The following DLG2 variants were observed in gnomAD, a reference collection of about 807,000 sequenced individuals.
The protein encoded by DLG2 is discs large MAGUK scaffold protein 2, also known as disks large homolog 2.
A neutral mutation model predicts 132.5 loss-of-function variants in DLG2; 45 were observed. The observed-to-expected ratio is 0.34, with a 90% confidence interval of 0.27 to 0.44. The LOEUF (loss-of-function observed/expected upper bound fraction) is 0.44, where lower values mean the gene tolerates loss of function less well. DLG2 is among the 20% of genes least tolerant of loss of function. The pLI is 1.00. For missense variants in DLG2, 1,045 were observed against 1,196.9 expected (o/e 0.87, Z 1.87); for synonymous variants, 424 against 419.6 (o/e 1.01, Z -0.13).
chr11:84,462,382 A>G (rs888224715), intron 7 of DLG2, among the ~76,000 whole-genome samples: 1 of 151,024 alleles, frequency 6.6e-6, no homozygotes, highest in Non-Finnish European at 1.5e-5. Flanking sequence ...CTACCTAATA[A>G]TGCAAATAAA....
intron 6 of DLG2, among the ~76,000 whole-genome samples, chr11:84,658,435 G>C (rs550402733): frequency 6.6e-6 from 1 of 152,246 alleles, no homozygotes; most frequent in East Asian, 1.9e-4. Flanking sequence ...TGGAATTCTC[G>C]TGAATGGGAT....
At chr11:85,478,830 T>G (rs896964404) in intron 3 of DLG2, among the ~76,000 whole-genome samples, 3 of 152,188 alleles carry the variant, frequency 2.0e-5, no homozygotes, top group Non-Finnish European at 4.4e-5. Context: ...TTTAAGCAAT[T>G]AAATAAGTCA....
At chr11:85,083,625 G>T (rs1302782776) in intron 6 of DLG2, among the ~76,000 whole-genome samples, 4 of 152,022 alleles carry the variant, frequency 2.6e-5, no homozygotes, top group African/African-American at 9.7e-5. Flanking sequence ...AGTTCGGCAG[G>T]GGGGCTTCTA....
intron 6 of DLG2, among the ~76,000 whole-genome samples, chr11:84,733,481 T>C (rs933458808): frequency 6.6e-6 from 1 of 152,092 alleles, no homozygotes; most frequent in Admixed American, 6.5e-5. Flanking sequence ...CACTTGTTGA[T>C]AGGGTTGTTT....
At chr11:84,451,021 C>A (rs1488806265) in intron 7 of DLG2, among the ~76,000 whole-genome samples, 1 of 151,762 alleles carries the variant, frequency 6.6e-6, no homozygotes, top group Non-Finnish European at 1.5e-5. Context: ...ACCCTTTAAT[C>A]TAAATAAAAT....
chr11:83,923,138 T>A (rs2078261622), intron 15 of DLG2, among the ~76,000 whole-genome samples: 6 of 152,176 alleles, frequency 3.9e-5, no homozygotes, highest in Admixed American at 3.3e-4. Flanking sequence ...CCTCAGGGGA[T>A]TTGCCTGAAC....
intron 6 of DLG2, among the ~76,000 whole-genome samples, chr11:84,750,625 T>C (rs1024009372): frequency 2.0e-5 from 3 of 152,186 alleles, no homozygotes; most frequent in Non-Finnish European, 2.9e-5. Context: ...TAATTAACTC[T>C]GCTGAGAGAG....
chr11:84,818,980 A>G (rs1321209291), intron 6 of DLG2, among the ~76,000 whole-genome samples: 1 of 151,482 alleles, frequency 6.6e-6, no homozygotes, highest in Non-Finnish European at 1.5e-5. Context: ...GGTGGGCAGA[A>G]GCTAATACAT....
intron 7 of DLG2, among the ~76,000 whole-genome samples, chr11:84,297,597 A>C (rs1169392399): frequency 1.3e-5 from 2 of 152,060 alleles, no homozygotes; most frequent in African/African-American, 4.8e-5. Flanking sequence ...ATATCATTCT[A>C]ACTAGTCTCC....
chr11:83,779,215 A>AGCTG (rs2153858353), intron 18 of DLG2, among the ~76,000 whole-genome samples: 1 of 152,272 alleles, frequency 6.6e-6, no homozygotes, highest in Admixed American at 6.5e-5. Flanking sequence ...ATGGATAAGC[A>AGCTG]GCTGGCTGGC....
chr11:83,462,811 A>G (rs1163834419), intron 26 of DLG2, among the ~76,000 whole-genome samples: 1 of 152,196 alleles, frequency 6.6e-6, no homozygotes, highest in Non-Finnish European at 1.5e-5. Flanking sequence ...CAACTATTAT[A>G]TATAAATTTT....
intron 8 of DLG2, among the ~76,000 whole-genome samples, chr11:84,173,842 C>T (rs368769596): frequency 1.4e-4 from 21 of 152,040 alleles, no homozygotes; most frequent in East Asian, 5.8e-4. Context: ...ACCCACCACT[C>T]GCAACTTCCC....
At chr11:85,603,906 G>A (rs991323581) in intron 2 of DLG2, among the ~76,000 whole-genome samples, 6 of 152,172 alleles carry the variant, frequency 3.9e-5, no homozygotes, top group African/African-American at 1.2e-4. Flanking sequence ...TACAGAGTGA[G>A]ACCCTGTCTC....
intron 7 of DLG2, among the ~76,000 whole-genome samples, chr11:84,527,808 TA>T (rs1225049545): frequency 3.3e-5 from 5 of 151,916 alleles, no homozygotes; most frequent in Non-Finnish European, 7.4e-5. Flanking sequence ...TAATATGTGA[TA>T]AAATATGAAG....
chr11:83,851,664 G>C (rs1469880067), intron 16 of DLG2, among the ~76,000 whole-genome samples: 1 of 150,566 alleles, frequency 6.6e-6, no homozygotes, highest in Non-Finnish European at 1.5e-5. Context: ...GCTCTTGCCT[G>C]TAATCCCAGC....
intron 6 of DLG2, among the ~76,000 whole-genome samples, chr11:84,947,473 G>A (rs576793268): frequency 6.6e-6 from 1 of 152,116 alleles, no homozygotes; most frequent in African/African-American, 2.4e-5. Context: ...TAATCACATA[G>A]GATGTCCCAC....
intron 3 of DLG2, among the ~76,000 whole-genome samples, chr11:85,300,291 G>A (rs1406002268): frequency 2.6e-5 from 4 of 152,158 alleles, no homozygotes; most frequent in Non-Finnish European, 5.9e-5. Context: ...TAATGGGTTA[G>A]GCAGAGAAAG....
rs533722248 is a variant in DLG2, at chr11:85,222,422, C to A, written c.186+62798G>T. 2.6e-5 allele frequency among the ~76,000 whole-genome samples: 4 copies of A among 152,166 alleles called. No individual in the cohort carries two copies. The East Asian group carries it at 7.7e-4, about 29-fold the overall frequency. On this transcript the variant is annotated intron_variant, in intron 4 of 27. Coordinates refer to ENST00000376104, the MANE Select transcript of DLG2 (RefSeq NM_001142699.3). ...CATTAATGGTGAAAAAACACCCACTCTTCTGGAACTTAAACAGTCTAAAAA... is the reference window on the plus strand; with the variant it reads ...CATTAATGGTGAAAAAACACCCACTATTCTGGAACTTAAACAGTCTAAAAA...
chr11:84,696,387 G>A (rs1329681918), intron 6 of DLG2, among the ~76,000 whole-genome samples: 3 of 151,396 alleles, frequency 2.0e-5, no homozygotes, highest in Non-Finnish European at 3.0e-5. Context: ...TGGGTATTTT[G>A]CCCAAGATCA....
Sources: allele counts gnomAD v4.1 joint callset (sites outside exome capture counted in the v4.1 genomes callset), GRCh38; gene constraint gnomAD v4.1.1; transcripts MANE v1.5; gene names NCBI Gene and HGNC (gene_info 2026-07-23, HGNC 2026-07-21).